The following PCDH7 variants were observed in gnomAD, a reference collection of about 807,000 sequenced individuals.
The protein encoded by PCDH7 is protocadherin 7.
A neutral mutation model predicts 58.9 loss-of-function variants in PCDH7; 17 were observed. The ratio of observed to expected loss-of-function variants is 0.29; its 90% CI spans 0.20 to 0.43. PCDH7 has a LOEUF of 0.43. Among genes scored for constraint, PCDH7 ranks in the 20% least tolerant of loss-of-function variants. The pLI, the probability that PCDH7 is intolerant of heterozygous loss-of-function variation, is 1.00. For missense variants in PCDH7, 1,274 were observed against 1,441.0 expected (o/e 0.88, Z 1.88); for synonymous variants, 664 against 616.4 (o/e 1.08, Z -1.14).
chr4:30,977,022 G>T (rs902370246), intron 3 of PCDH7, among the ~76,000 whole-genome samples: 7 of 151,984 alleles, frequency 4.6e-5, no homozygotes, highest in Non-Finnish European at 8.8e-5. Flanking sequence ...GAAAATATAT[G>T]GTTATTTTAA....
intron 2 of PCDH7, among the ~76,000 whole-genome samples, chr4:30,932,089 T>G (rs567883405): frequency 3.9e-5 from 6 of 152,330 alleles, no homozygotes; most frequent in Non-Finnish European, 8.8e-5. Context: ...ACAAAATTAT[T>G]TTGTGATTTT....
At chr4:31,139,677 G>C (rs993784403) in intron 3 of PCDH7, among the ~76,000 whole-genome samples, 2 of 152,144 alleles carry the variant, frequency 1.3e-5, no homozygotes, top group African/African-American at 4.8e-5. Flanking sequence ...TCTTTAATAA[G>C]TTGCATCGTA....
intron 1 of PCDH7, among the ~76,000 whole-genome samples, chr4:30,860,608 T>C (rs947457696): frequency 1.3e-5 from 2 of 152,150 alleles, no homozygotes; most frequent in African/African-American, 4.8e-5. Context: ...GGATCTTCTC[T>C]TCCCACATGA....
chr4:30,941,844 T>C (rs1472049267), intron 2 of PCDH7, among the ~76,000 whole-genome samples: 1 of 151,936 alleles, frequency 6.6e-6, no homozygotes, highest in Non-Finnish European at 1.5e-5. Flanking sequence ...GAAACCTGTC[T>C]AGGTGGATAT....
chr4:30,940,720 G>C lies in PCDH7; in HGVS notation c.288-9400G>C, dbSNP rs145261357. Among the ~76,000 whole-genome samples the C allele has an allele frequency of 3.5e-4, 53 of 152,018 alleles. No homozygotes were observed. The East Asian group carries it at 9.7e-3, about 28-fold the overall frequency. On this transcript the variant is annotated intron_variant, in intron 2 of 3. Coordinates refer to the PCDH7 transcript ENST00000509759. Reference sequence around the variant, plus strand: ...GGGAGAGAAGGAACAGGTCCTTTACGTATAATAGCAGGCTCTTATGCTGTT... The same window carrying C: ...GGGAGAGAAGGAACAGGTCCTTTACCTATAATAGCAGGCTCTTATGCTGTT...
At chr4:30,833,070 T>C (rs749602237) in intron 1 of PCDH7, among the ~76,000 whole-genome samples, 1 of 152,144 alleles carries the variant, frequency 6.6e-6, no homozygotes, top group Non-Finnish European at 1.5e-5. Context: ...ACATTAAGGA[T>C]GGGAATATTC....
At chr4:30,907,259 G>A (rs1741070816) in intron 1 of PCDH7, among the ~76,000 whole-genome samples, 1 of 152,004 alleles carries the variant, frequency 6.6e-6, no homozygotes, top group Non-Finnish European at 1.5e-5. Context: ...AGACAAATGG[G>A]ATCTGATTAC....
chr4:30,863,156 T>C (rs1024065227), intron 1 of PCDH7, among the ~76,000 whole-genome samples: 1 of 152,166 alleles, frequency 6.6e-6, no homozygotes, highest in African/African-American at 2.4e-5. Context: ...CTGGTGGTTA[T>C]GGAATAACTT....
chr4:30,785,394 C>T (rs1012586187), intron 1 of PCDH7, among the ~76,000 whole-genome samples: 1 of 151,924 alleles, frequency 6.6e-6, no homozygotes, highest in Non-Finnish European at 1.5e-5. Flanking sequence ...TAAAGATTCA[C>T]TTATAGATGC....
chr4:31,009,336 T>G (rs959213635), intron 3 of PCDH7, among the ~76,000 whole-genome samples: 7 of 152,030 alleles, frequency 4.6e-5, no homozygotes, highest in Non-Finnish European at 1.0e-4. Flanking sequence ...AAACAGCTGT[T>G]TAGAATGTCA....
intron 1 of PCDH7, among the ~76,000 whole-genome samples, chr4:30,810,616 C>CT (rs61597613): frequency 0.28 from 39,923 of 140,252 alleles, 6,996 homozygotes; most frequent in African/African-American, 0.49. Flanking sequence ...TTCTCATTTT[C>CT]TTTTTTTTTT....
chr4:30,968,214 A>G (rs1470608906), intron 3 of PCDH7, among the ~76,000 whole-genome samples: 1 of 149,298 alleles, frequency 6.7e-6, no homozygotes, highest in African/African-American at 2.5e-5. Flanking sequence ...AAAATTAACC[A>G]TATGGAGTCC....
At chr4:30,815,150 T>C (rs968847827) in intron 1 of PCDH7, among the ~76,000 whole-genome samples, 1 of 152,036 alleles carries the variant, frequency 6.6e-6, no homozygotes, top group African/African-American at 2.4e-5. Flanking sequence ...ATATAAATTA[T>C]AATGAAAAAA....
chr4:30,882,357 G>T (rs1489548032), intron 1 of PCDH7, among the ~76,000 whole-genome samples: 1 of 151,872 alleles, frequency 6.6e-6, no homozygotes, highest in African/African-American at 2.4e-5. Context: ...CAAACTCCTG[G>T]GCTAAAGCAG....
chr4:30,936,468 T>G (rs1745350152), intron 2 of PCDH7, among the ~76,000 whole-genome samples: 1 of 152,090 alleles, frequency 6.6e-6, no homozygotes, highest in Non-Finnish European at 1.5e-5. Context: ...AGAAAAACAT[T>G]TAGTTTTTGT....
intron 1 of PCDH7, among the ~76,000 whole-genome samples, chr4:30,878,933 G>T (rs1736620725): frequency 1.3e-5 from 2 of 152,076 alleles, no homozygotes; most frequent in Admixed American, 6.6e-5. Context: ...GTTGTTGTTT[G>T]CAGTCTTCGT....
chr4:31,066,079 T>C (rs572555802), intron 3 of PCDH7, among the ~76,000 whole-genome samples: 1 of 152,026 alleles, frequency 6.6e-6, no homozygotes, highest in South Asian at 2.1e-4. Context: ...ACCATCCTGT[T>C]TCATATCAGC....
chr4:31,024,994 C>T (rs544870236), intron 3 of PCDH7, among the ~76,000 whole-genome samples: 3 of 152,314 alleles, frequency 2.0e-5, no homozygotes, highest in East Asian at 1.9e-4. Context: ...CCACCCGCCT[C>T]GGCCTCCCAG....
downstream of PCDH7, among the ~76,000 whole-genome samples, chr4:30,734,065 A>G (rs907556788): frequency 8.2e-6 from 1 of 121,886 alleles, no homozygotes; most frequent in African/African-American, 2.5e-5. Context: ...TTTTTAGGTT[A>G]TCTTAAAAAA....
Sources: allele counts gnomAD v4.1 joint callset (sites outside exome capture counted in the v4.1 genomes callset), GRCh38; gene constraint gnomAD v4.1.1; transcripts MANE v1.5; gene names NCBI Gene and HGNC (gene_info 2026-07-23, HGNC 2026-07-21).